Variants in CNNM4 observed in about 807,000 individuals in gnomAD.
The protein encoded by CNNM4 is cyclin and CBS domain divalent metal cation transport mediator 4.
CNNM4 carries 32 observed loss-of-function variants against 53.7 expected under a neutral mutation model. That is an observed-to-expected ratio of 0.60 (90% CI 0.45 to 0.80). The LOEUF (loss-of-function observed/expected upper bound fraction) is 0.80. CNNM4 is among the 30% of genes least tolerant of loss of function. The pLI is 0.00. For missense variants in CNNM4, 784 were observed against 1,022.0 expected, an observed-to-expected ratio of 0.77 and a Z score of 3.17; for synonymous variants, 410 against 440.0, an observed-to-expected ratio of 0.93 and a Z score of 0.85.
intron 5 of CNNM4, 100 bp downstream of exon 5, chr2:96,799,748 C>T (rs2079142034): frequency 5.7e-6 from 6 of 1,043,820 alleles, no homozygotes; most frequent in South Asian, 1.4e-5. Flanking sequence ...GAGCTCATAG[C>T]CAGCTGGCTG....
intron 1 of CNNM4, among the ~76,000 whole-genome samples, chr2:96,780,714 GTTTT>G (rs549057333): frequency 6.6e-5 from 10 of 151,742 alleles, no homozygotes; most frequent in Non-Finnish European, 1.5e-4. Context: ...TAAGAGACAG[GTTTT>G]TTTGTTTGTT....
At position 96,761,555 on chromosome 2, in the gene CNNM4, A is replaced by G. The variant is rs146760430; in HGVS notation, c.556A>G (p.Ile186Val). 661 of 1,613,830 alleles carry G rather than the reference A, an allele frequency of 4.1e-4. 1 individual carries two copies. The highest frequency in any genetic ancestry group is 5.1e-4 in the Non-Finnish European group (600 of 1,179,912). The stretch of plus-strand genomic sequence containing the variant: ...GAGGTTCCTGCCTCTCTGGCTGCAC[A>G]TTCTCCTAATTACGGTGCTGCTGGT... Reference protein sequence around the residue: ...PGRFLPLWLHILLITVLLVLS... With the variant: ...PGRFLPLWLHVLLITVLLVLS... The change falls in exon 1 of 7, where the codon ATT (isoleucine) becomes GTT (valine). Residue 186 changes from isoleucine (I) to valine (V), a missense_variant. Physicochemically the swap from Ile to Val is conservative, Grantham distance 29 (BLOSUM62 3). This residue lies in a region of CNNM4 where 473 missense variants were observed against 624.6 expected (regional missense o/e 0.76). Transcript: ENST00000377075. This position sits in a 1 kb window ranked among gnomAD's most constrained non-coding sequence, Gnocchi z 6.0.
intron 5 of CNNM4, among the ~76,000 whole-genome samples, chr2:96,804,584 G>C (rs1396713380): frequency 6.6e-6 from 1 of 152,072 alleles, no homozygotes; most frequent in Non-Finnish European, 1.5e-5. Context: ...TGTATCTTTA[G>C]TAGAGACGGA....
At chr2:96,762,521 C>T in intron 1 of CNNM4, 120 bp downstream of exon 1, 2 of 971,124 alleles carry the variant, frequency 2.1e-6, no homozygotes. Flanking sequence ...CTTTGCCTAT[C>T]GCTTCCTATG....
chr2:96,770,328 T>A (rs898554556), intron 1 of CNNM4, among the ~76,000 whole-genome samples: 4 of 152,194 alleles, frequency 2.6e-5, no homozygotes, highest in African/African-American at 9.6e-5. Flanking sequence ...ACCGAGCAGA[T>A]GTTTAACCTT....
Position 96,761,332 on chromosome 2 carries a change from C to T in CNNM4, c.333C>T (p.Leu111=), listed in dbSNP as rs2078759451. ...ACAAGTCCACCAGCTGCCTCGAGCT[C>T]ACCAAGGACCTGGTCGTCCAGCAGC... ...TLHKSTSCLE[L]TKDLVVQQLV... is the part of the protein sequence containing the mutation. The change falls in exon 1 of 7, where the codon CTC becomes CTT. Residue 111 remains leucine (L), a synonymous_variant. Transcript: ENST00000377075. The surrounding 1 kb of genome is among the most constrained non-coding windows in gnomAD (Gnocchi z 6.0). 6.2e-7 allele frequency: 1 copy of T among 1,613,978 alleles called. No homozygotes were observed. The highest frequency in any genetic ancestry group is 8.5e-7 in the Non-Finnish European group (1 of 1,180,042).
chr2:96,793,685 C>T (rs895837016), intron 1 of CNNM4, among the ~76,000 whole-genome samples: 6 of 152,186 alleles, frequency 3.9e-5, no homozygotes, highest in Admixed American at 6.5e-5. Flanking sequence ...GCTGCCAGGC[C>T]GGGCGCGGTG....
At position 96,796,992 on chromosome 2, in the gene CNNM4, C is replaced by T; in HGVS notation, c.1403-20C>T. 1 of 1,611,990 alleles carries T rather than the reference C, an allele frequency of 6.2e-7. No homozygotes were observed. Among genetic ancestry groups the T allele is most frequent in the African/African-American group, 1.3e-5 (1 of 74,964 alleles). On this transcript the variant is annotated intron_variant, in intron 1 of 6. Coordinates refer to ENST00000377075, the MANE Select transcript of CNNM4 (RefSeq NM_020184.4). ...GACTGGCCTCTGGGCTCTTGTCTGA[C>T]TTGCTGCATTGTCCCACAGGGAAGT...
At chr2:96,809,242 G>T (rs773781250) in intron 6 of CNNM4, 78 bp from the exon 7 acceptor site, 18 of 1,590,622 alleles carry the variant, frequency 1.1e-5, no homozygotes, top group Non-Finnish European at 1.5e-5. Context: ...CCTCAATCCT[G>T]GCCCTGTTTC....
intron 1 of CNNM4, among the ~76,000 whole-genome samples, chr2:96,776,114 C>T (rs2153345879): frequency 6.6e-6 from 1 of 150,688 alleles, no homozygotes; most frequent in East Asian, 2.0e-4. Context: ...CCACAACCTC[C>T]ACCTCCCGGG....
Position 96,761,265 on chromosome 2 carries a change from A to C in CNNM4, c.266A>C (p.Asn89Thr). The change falls in exon 1 of 7, where the codon AAC (asparagine) becomes ACC (threonine). Residue 89 changes from asparagine (N) to threonine (T), a missense_variant. Transcript: ENST00000377075. This position sits in a 1 kb window ranked among gnomAD's most constrained non-coding sequence, Gnocchi z 6.0. ...YGYSLGNISS[N>T]LISFTEVDDA... Reference sequence around the variant, plus strand: ...TACAGCCTGGGCAACATCTCCAGCAACCTGATCTCCTTCACCGAGGTGGAC... The same window carrying C: ...TACAGCCTGGGCAACATCTCCAGCACCCTGATCTCCTTCACCGAGGTGGAC... The C allele has an allele frequency of 6.2e-7, 1 of 1,614,038 alleles. No homozygotes were observed. Among genetic ancestry groups the C allele is most frequent in the Non-Finnish European group, 8.5e-7 (1 of 1,179,996 alleles).
At position 96,809,730 on chromosome 2, in the gene CNNM4, G is replaced by A; in HGVS notation, c.*213G>A. The A allele has an allele frequency of 2.0e-6, 1 of 501,860 alleles. No individual in the cohort carries two copies. 31.1% of individuals were successfully genotyped at this position (501,860 alleles called of 1,614,324 possible). On this transcript the variant is annotated 3_prime_UTR_variant, in exon 7 of 7. Coordinates refer to ENST00000377075, the MANE Select transcript of CNNM4 (RefSeq NM_020184.4). ...TGTCCAGCCCTGGATAGGGGGGGCA[G>A]TGGGCCAGCTACCGTAAGCAAAGGC... is the stretch of plus-strand genomic sequence containing the variant.
At chr2:96,799,972 G>A (rs1168214524) in intron 5 of CNNM4, among the ~76,000 whole-genome samples, 1 of 152,196 alleles carries the variant, frequency 6.6e-6, no homozygotes, top group Non-Finnish European at 1.5e-5. Flanking sequence ...GGGGAGGAAG[G>A]CCCAGGGCCC....
At chr2:96,768,377 T>A (rs1395729552) in intron 1 of CNNM4, among the ~76,000 whole-genome samples, 2 of 152,192 alleles carry the variant, frequency 1.3e-5, no homozygotes, top group Non-Finnish European at 2.9e-5. Context: ...AAAACTGCCC[T>A]GTTCACAGAA....
chr2:96,799,597 A>T lies in CNNM4; in HGVS notation c.1897A>T (p.Thr633Ser). ...EAGKENMKFE[T>S]GAFSYYGTMA... ...AGGGAAGGAGAACATGAAGTTTGAGACGGGCGCCTTCTCCTACTATGGGAC... is the reference window on the plus strand; with the variant it reads ...AGGGAAGGAGAACATGAAGTTTGAGTCGGGCGCCTTCTCCTACTATGGGAC... Residue 633 changes from threonine (T) to serine (S), a missense_variant, in exon 5 of 7, where the codon ACG (threonine) becomes TCG (serine). Transcript: ENST00000377075. 1 of 1,554,970 alleles carries T rather than the reference A, an allele frequency of 6.4e-7. No homozygotes were observed.
rs1333027179 is a variant in CNNM4, at chr2:96,809,408, T to G, written c.2219T>G (p.Met740Arg). 4.0e-5 allele frequency: 65 copies of G among 1,614,056 alleles called. No individual in the cohort carries two copies. Among genetic ancestry groups the G allele is most frequent in the Non-Finnish European group, 5.3e-5 (63 of 1,180,036 alleles). Residue 740 changes from methionine to arginine, a missense_variant, in exon 7 of 7, where the codon ATG becomes AGG. Physicochemically the swap from Met to Arg is moderately conservative, Grantham distance 91 (BLOSUM62 -1). Transcript: ENST00000377075. Reference protein sequence around the residue: ...QFPIDGCTTHMENLAEKSELP... With the variant: ...QFPIDGCTTHRENLAEKSELP... ...CCCATAGACGGGTGCACCACCCACA[T>G]GGAGAACTTGGCCGAGAAGTCTGAG...
At chr2:96,798,511 G>C (rs144937865) in intron 3 of CNNM4, among the ~76,000 whole-genome samples, 1 of 152,232 alleles carries the variant, frequency 6.6e-6, no homozygotes, top group African/African-American at 2.4e-5. Flanking sequence ...AGCTCCACTG[G>C]GGACTTGGGT....
chr2:96,780,768 C>G (rs993742011), intron 1 of CNNM4, among the ~76,000 whole-genome samples: 4 of 151,806 alleles, frequency 2.6e-5, no homozygotes, highest in Non-Finnish European at 5.9e-5. Context: ...GATGGAGTCT[C>G]CCTCTATTGC....
intron 1 of CNNM4, among the ~76,000 whole-genome samples, chr2:96,792,597 G>A (rs1231643233): frequency 6.6e-6 from 1 of 151,966 alleles, no homozygotes; most frequent in Non-Finnish European, 1.5e-5. Context: ...GAGGTCAGGA[G>A]TTCGTGACCA....
Sources: gnomAD v4.1 joint callset for allele counts (sites outside exome capture counted in the v4.1 genomes callset) on GRCh38, gnomAD v4.1.1 for gene constraint, gnomAD v4.1.1 regional missense constraint, Gnocchi (gnomAD v3.1) non-coding constraint, MANE v1.5 for transcripts, NCBI Gene and HGNC (gene_info 2026-07-23, HGNC 2026-07-21) for gene names.